The following ALOXE3 variants were observed in gnomAD, a reference collection of about 807,000 sequenced individuals.
ALOXE3 encodes arachidonate epidermal lipoxygenase 3.
ALOXE3 carries 78 observed loss-of-function variants against 87.5 expected under a neutral mutation model. The ratio of observed to expected loss-of-function variants is 0.89; its 90% CI spans 0.74 to 1.08. The LOEUF is 1.08. ALOXE3 is among the 50% of genes least tolerant of loss of function. ALOXE3 has a pLI of 0.00. For synonymous variants in ALOXE3, 363 were observed against 370.8 expected (o/e 0.98, Z 0.24); for missense variants, 946 against 912.4 (o/e 1.04, Z -0.47).
rs778741449 is a variant in ALOXE3 at position 8,108,496 on chromosome 17, A to G, written c.1656T>C (p.Ala552=). 8 of 1,613,488 alleles carry G rather than the reference A, an allele frequency of 5.0e-6. No homozygotes were observed. In the South Asian group the frequency reaches 8.8e-5, roughly 18 times the overall value. Residue 552 remains alanine (A), a synonymous_variant, in exon 13 of 16, where the codon GCT becomes GCC. Transcript: ENST00000448843. ...ELQAWTGEIF[A]QAFLGRESSG... ...AGCTTTCCCGGCCCAGGAACGCCTGAGCAAAAATCTCGCCAGTCCAGGCCT... is the reference window on the plus strand; with the variant it reads ...AGCTTTCCCGGCCCAGGAACGCCTGGGCAAAAATCTCGCCAGTCCAGGCCT...
intron 15 of ALOXE3, among the ~76,000 whole-genome samples, chr17:8,101,319 C>G (rs1436753817): frequency 6.6e-6 from 1 of 152,122 alleles, no homozygotes; most frequent in Admixed American, 6.5e-5. Flanking sequence ...TGAGCCACCA[C>G]GCCTGGCTGC....
At chr17:8,097,177 TG>T (rs1424199162) in intron 15 of ALOXE3, among the ~76,000 whole-genome samples, 9 of 152,174 alleles carry the variant, frequency 5.9e-5, no homozygotes, top group Non-Finnish European at 1.3e-4. Flanking sequence ...TTGCCCAGGC[TG>T]GAGTACAGTG....
rs1598205735 is a variant in ALOXE3, at chr17:8,108,011, GAAA to G, written c.1684+454_1684+456del. On this transcript the variant is annotated intron_variant, in intron 13 of 15. Transcript: ENST00000448843. ...GAAAGAAAGGAAGGAAAGAAAGAAA[GAAA>G]GAAAGAAAGAAAGAAAGAAAGAAAG... is the stretch of plus-strand genomic sequence containing the variant. 1.1e-4 allele frequency among the ~76,000 whole-genome samples: 7 copies of G among 62,828 alleles called. 2 individuals are homozygous for G. The highest frequency in any genetic ancestry group is 3.0e-4 in the East Asian group (1 of 3,322). The allele number at this position is 62,828 out of a possible 152,430, so 41.2% of individuals were successfully genotyped here.
At position 8,118,287 on chromosome 17, in the gene ALOXE3, C is replaced by T. The variant is rs1206472458; in HGVS notation, c.-297G>A. ...CTGGCTGGCTCACCCAGATGGATAT[C>T]AGGAGCCTGGGTTCCACTGCGGAGG... On this transcript the variant is annotated 5_prime_UTR_variant, in exon 2 of 16. An upstream open reading frame in the 5' UTR loses its in-frame stop. Transcript: ENST00000448843. 2.6e-6 allele frequency: 4 copies of T among 1,551,766 alleles called. No individual in the cohort carries two copies. In the Admixed American group the frequency reaches 7.8e-5, roughly 30 times the overall value.
intron 7 of ALOXE3, 129 bp downstream of exon 7, chr17:8,111,964 G>A (rs1459420965): frequency 3.5e-6 from 3 of 851,226 alleles, no homozygotes; most frequent in African/African-American, 3.3e-5. Flanking sequence ...GAAGCCAGGA[G>A]CCCCTCCCAC....
At chr17:8,100,139 G>C (rs889623601) in intron 15 of ALOXE3, among the ~76,000 whole-genome samples, 12 of 151,740 alleles carry the variant, frequency 7.9e-5, no homozygotes, top group Non-Finnish European at 1.6e-4. Context: ...GGGAGGGAGA[G>C]GGGGGAGGGA....
intron 6 of ALOXE3, among the ~76,000 whole-genome samples, chr17:8,112,496 C>T (rs1980184016): frequency 6.6e-6 from 1 of 152,258 alleles, no homozygotes; most frequent in East Asian, 1.9e-4. Context: ...CTCCAAGCTG[C>T]CCTCTTGTCA....
chr17:8,117,894 T>C lies in ALOXE3; in HGVS notation c.97A>G (p.Ser33Gly). 1 of 1,611,994 alleles carries C rather than the reference T, an allele frequency of 6.2e-7. No individual in the cohort carries two copies. Among genetic ancestry groups the C allele is most frequent in the Non-Finnish European group, 8.5e-7 (1 of 1,179,638 alleles). The change falls in exon 2 of 16, where the codon AGC becomes GGC. Residue 33 changes from serine to glycine, a missense_variant. Coordinates refer to ENST00000448843, the MANE Select transcript of ALOXE3 (RefSeq NM_021628.3). The part of the protein sequence containing the change: ...SVTLVGTCGE[S>G]PKQRLDRMGR... Reference sequence around the variant, plus strand: ...ATTCGATCTAGCCGCTGCTTGGGGCTTTCACCACACGTGCCCACCAGTGTG... The same window carrying C: ...ATTCGATCTAGCCGCTGCTTGGGGCCTTCACCACACGTGCCCACCAGTGTG...
intron 6 of ALOXE3, 146 bp from the exon 7 acceptor site, chr17:8,112,342 A>G (rs2151841952): frequency 1.5e-6 from 1 of 664,384 alleles, no homozygotes; most frequent in Non-Finnish European, 2.7e-6. Context: ...AAAGTCTAGT[A>G]CCCGGTGGAG....
chr17:8,107,274 C>T (rs933819779), intron 13 of ALOXE3, among the ~76,000 whole-genome samples: 9 of 152,232 alleles, frequency 5.9e-5, no homozygotes, highest in East Asian at 1.9e-4. Context: ...CCCAGTACTT[C>T]GGGAGGCCGA....
chr17:8,117,763 C>A (rs982931880), intron 2 of ALOXE3, 81 bp downstream of exon 2: 9 of 1,551,846 alleles, frequency 5.8e-6, no homozygotes, highest in South Asian at 1.2e-5. Flanking sequence ...AGCAGGATCT[C>A]AAGAGTCCAG....
At chr17:8,101,129 G>C (rs1978899041) in intron 15 of ALOXE3, among the ~76,000 whole-genome samples, 2 of 151,622 alleles carry the variant, frequency 1.3e-5, no homozygotes, top group African/African-American at 4.9e-5. Context: ...CCGGGTTTAA[G>C]TGATTCTCTT....
intron 13 of ALOXE3, among the ~76,000 whole-genome samples, chr17:8,107,842 A>AGGTTGGTGGCTGG: frequency 2.5e-4 from 1 of 4,062 alleles, no homozygotes; most frequent in South Asian, 0.012. Context: ...AGAAAGAAAG[A>AGGTTGGTGGCTGG]AAGAAAGAAA....
intron 13 of ALOXE3, among the ~76,000 whole-genome samples, chr17:8,107,962 G>GA (rs1246183924): frequency 0.52 from 3,075 of 5,872 alleles, 1,415 homozygotes; most frequent in African/African-American, 0.78. Flanking sequence ...AGAAAGAAAG[G>GA]AAGGAGAGAG....
Position 8,096,736 on chromosome 17 carries a change from T to C in ALOXE3, c.2027A>G (p.Gln676Arg). Residue 676 changes from glutamine (Q) to arginine (R), a missense_variant, in exon 16 of 16, where the codon CAG (glutamine) becomes CGG (arginine). Coordinates refer to ENST00000448843, the MANE Select transcript of ALOXE3 (RefSeq NM_021628.3). ...CCTTGAGATCTGGGCCAGGCGGCTC[T>C]GGAAGGCGGCGATGCTCCGCCTCGG... ...EAPRRSIAAF[Q>R]SRLAQISRDI... is the part of the protein sequence containing the mutation. The C allele has an allele frequency of 1.2e-6, 2 of 1,614,182 alleles. No individual in the cohort carries two copies. Among genetic ancestry groups the C allele is most frequent in the Non-Finnish European group, 8.5e-7 (1 of 1,180,014 alleles).
At chr17:8,118,852 T>G, upstream of ALOXE3, 2 of 1,533,360 alleles carry the variant, frequency 1.3e-6, no homozygotes, top group Non-Finnish European at 1.7e-6. Context: ...TCTGGGCCAC[T>G]AGGGACTGGG....
intron 6 of ALOXE3, among the ~76,000 whole-genome samples, chr17:8,113,654 A>AAAC (rs376122895): frequency 1.7e-4 from 26 of 149,670 alleles, no homozygotes; most frequent in East Asian, 3.9e-4. Context: ...CTCCGTCTCA[A>AAAC]AACAACAACA....
chr17:8,107,296 C>G (rs1488393953), intron 13 of ALOXE3, among the ~76,000 whole-genome samples: 1 of 152,238 alleles, frequency 6.6e-6, no homozygotes, highest in East Asian at 1.9e-4. Flanking sequence ...GTGGGCAGAT[C>G]ACCTGAGGTC....
intron 2 of ALOXE3, 136 bp downstream of exon 2, chr17:8,117,708 C>T: frequency 6.6e-7 from 1 of 1,513,232 alleles, no homozygotes; most frequent in Non-Finnish European, 8.8e-7. Context: ...AAGACAGGGA[C>T]CTCAATAGGG....
Sources: allele counts gnomAD v4.1 joint callset (sites outside exome capture counted in the v4.1 genomes callset), GRCh38; gene constraint gnomAD v4.1.1; transcripts MANE v1.5; gene names NCBI Gene and HGNC (gene_info 2026-07-23, HGNC 2026-07-21).